Variants in XIRP2 observed in about 807,000 individuals in gnomAD.
XIRP2 encodes the protein xin actin-binding repeat-containing protein 2.
Under a neutral mutation model 277.0 loss-of-function variants are expected in XIRP2, and 236 were observed. That is an observed-to-expected ratio of 0.85 (90% CI 0.77 to 0.95). The LOEUF (loss-of-function observed/expected upper bound fraction) is 0.95. Ranked by LOEUF, XIRP2 falls within the 40% of genes least tolerant of loss-of-function variation. The probability of loss-of-function intolerance (pLI) is 0.00; values close to 1 mark genes in which losing one functional copy is unlikely to be tolerated. For missense variants in XIRP2, 4,640 were observed against 4,157.5 expected, an observed-to-expected ratio of 1.12 and a Z score of -3.19; for synonymous variants, 1,490 against 1,416.5, an observed-to-expected ratio of 1.05 and a Z score of -1.17.
At chr2:167,023,252 T>C (rs576059773) in intron 2 of XIRP2, among the ~76,000 whole-genome samples, 2 of 152,332 alleles carry the variant, frequency 1.3e-5, no homozygotes, top group Admixed American at 1.3e-4. Flanking sequence ...ATAAATGTCT[T>C]CTTTTGAGAA....
chr2:166,911,395 G>A (rs972245812), intron 2 of XIRP2, among the ~76,000 whole-genome samples: 40 of 152,180 alleles, frequency 2.6e-4, no homozygotes, highest in African/African-American at 8.9e-4. Context: ...AGCTTTGTTG[G>A]TTTAAAGTCT....
chr2:167,073,769 G>A (rs918096157), intron 2 of XIRP2, among the ~76,000 whole-genome samples: 3 of 152,044 alleles, frequency 2.0e-5, no homozygotes, highest in Admixed American at 6.6e-5. Flanking sequence ...CTAACTAGAG[G>A]GGCCAGTTTT....
At chr2:167,165,389 A>G (rs991274844) in intron 3 of XIRP2, among the ~76,000 whole-genome samples, 2 of 152,204 alleles carry the variant, frequency 1.3e-5, no homozygotes, top group Non-Finnish European at 2.9e-5. Context: ...ATCATATGAT[A>G]AAAGTGTGTT....
chr2:166,953,078 G>A (rs1686075082), intron 2 of XIRP2, among the ~76,000 whole-genome samples: 1 of 151,900 alleles, frequency 6.6e-6, no homozygotes, highest in South Asian at 2.1e-4. Context: ...TGGTTCTGGG[G>A]CTAGTTATGG....
At chr2:167,076,030 T>G (rs1689561721) in intron 2 of XIRP2, among the ~76,000 whole-genome samples, 1 of 152,084 alleles carries the variant, frequency 6.6e-6, no homozygotes, top group Non-Finnish European at 1.5e-5. Flanking sequence ...AATAGGCAGT[T>G]TTTTACAGGA....
chr2:167,025,383 T>C (rs1688123377), intron 2 of XIRP2, among the ~76,000 whole-genome samples: 2 of 152,198 alleles, frequency 1.3e-5, no homozygotes, highest in Admixed American at 1.3e-4. Flanking sequence ...CTGTCAATTT[T>C]GTTGATCTTT....
At chr2:166,941,205 G>C (rs1383912668) in intron 2 of XIRP2, among the ~76,000 whole-genome samples, 1 of 152,180 alleles carries the variant, frequency 6.6e-6, no homozygotes, top group Non-Finnish European at 1.5e-5. Flanking sequence ...TGCTGTGCGA[G>C]CAATGAGTGA....
chr2:167,248,661 A>G lies in XIRP2; in HGVS notation c.7269A>G (p.Thr2423=). 41 of 1,613,682 alleles carry G rather than the reference A, an allele frequency of 2.5e-5. No individual in the cohort carries two copies. Among genetic ancestry groups the G allele is most frequent in the Non-Finnish European group, 3.4e-5 (40 of 1,179,796 alleles). Residue 2423 remains threonine (T), a synonymous_variant, in exon 9 of 11, where the codon ACA becomes ACG. Transcript: ENST00000409195. ...TGKTGVLPPP[T]LPKPKLPKHI... ...AAACCGGTGTGTTGCCACCTCCCAC[A>G]TTGCCCAAACCCAAACTTCCCAAGC...
intron 2 of XIRP2, among the ~76,000 whole-genome samples, chr2:167,134,028 C>T (rs898031627): frequency 7.2e-5 from 11 of 152,040 alleles, no homozygotes; most frequent in Admixed American, 2.0e-4. Flanking sequence ...TTAAAGTTCA[C>T]TCTAATGAAG....
At chr2:167,187,521 T>C (rs1693193385) in intron 3 of XIRP2, 1 of 985,038 alleles carries the variant, frequency 1.0e-6, no homozygotes, top group Non-Finnish European at 1.2e-6. Flanking sequence ...TAAACCTAAA[T>C]ATCATAAAAG....
At chr2:167,067,408 G>A (rs1276317942) in intron 2 of XIRP2, among the ~76,000 whole-genome samples, 14 of 151,694 alleles carry the variant, frequency 9.2e-5, no homozygotes, top group Admixed American at 8.5e-4. Flanking sequence ...TCTCTTTCTT[G>A]TGCTCATGGC....
At chr2:167,183,303 A>G (rs1016421794) in intron 3 of XIRP2, among the ~76,000 whole-genome samples, 2 of 152,196 alleles carry the variant, frequency 1.3e-5, no homozygotes, top group Non-Finnish European at 2.9e-5. Flanking sequence ...ACTTAGCACA[A>G]AATGAACAAA....
At chr2:167,027,747 C>G (rs1410545098) in intron 2 of XIRP2, among the ~76,000 whole-genome samples, 3 of 152,040 alleles carry the variant, frequency 2.0e-5, no homozygotes, top group African/African-American at 7.2e-5. Flanking sequence ...AGCTGCAGGT[C>G]TGTTGGAGTT....
intron 2 of XIRP2, among the ~76,000 whole-genome samples, chr2:167,084,765 T>C (rs1689872311): frequency 6.7e-6 from 1 of 150,198 alleles, no homozygotes. Context: ...GTAGTTTGTA[T>C]TTCTGTGGGA....
At chr2:167,252,120 T>C (rs927832247) in intron 9 of XIRP2, among the ~76,000 whole-genome samples, 173 bp downstream of exon 9, 1 of 152,020 alleles carries the variant, frequency 6.6e-6, no homozygotes, top group African/African-American at 2.4e-5. Flanking sequence ...TTTTACAACA[T>C]TCTTTTCACA....
chr2:166,934,194 G>GT (rs1685427237), intron 2 of XIRP2, among the ~76,000 whole-genome samples: 2 of 62,696 alleles, frequency 3.2e-5, no homozygotes, highest in East Asian at 4.7e-4. Context: ...AAAATCAACA[G>GT]CAAAAAAAAA....
chr2:167,070,549 T>A lies in XIRP2; in HGVS notation c.409-65360T>A, dbSNP rs542882519. ...GTATTGTAAATTTAACATCTGAAAA[T>A]AGTTTGGAATTTAACATTGAGATAC... On this transcript the variant is annotated intron_variant, in intron 2 of 10. Coordinates refer to ENST00000409195, the MANE Select transcript of XIRP2 (RefSeq NM_152381.6). Among the ~76,000 whole-genome samples, 474 of 152,236 alleles carry A rather than the reference T, an allele frequency of 3.1e-3. 5 individuals carry two copies. Among genetic ancestry groups the A allele is most frequent in the South Asian group, 0.021 (102 of 4,826 alleles).
intron 2 of XIRP2, among the ~76,000 whole-genome samples, chr2:166,939,854 A>C (rs1003201268): frequency 2.0e-5 from 3 of 152,048 alleles, no homozygotes; most frequent in African/African-American, 7.2e-5. Context: ...GGGTAACCCG[A>C]CCTTTCTCTC....
At chr2:167,024,964 C>G (rs1423085520) in intron 2 of XIRP2, among the ~76,000 whole-genome samples, 1 of 152,144 alleles carries the variant, frequency 6.6e-6, no homozygotes, top group Non-Finnish European at 1.5e-5. Flanking sequence ...TGATGCTGGC[C>G]TCATAACATG....
Sources: gnomAD v4.1 joint callset for allele counts (sites outside exome capture counted in the v4.1 genomes callset) on GRCh38, gnomAD v4.1.1 for gene constraint, MANE v1.5 for transcripts, NCBI Gene and HGNC (gene_info 2026-07-23, HGNC 2026-07-21) for gene names.